Variants in SLC35F1 observed in about 807,000 individuals in gnomAD.
SLC35F1 encodes chromosome 6 open reading frame 169.
SLC35F1 carries 14 observed loss-of-function variants against 48.7 expected under a neutral mutation model. The ratio of observed to expected loss-of-function variants is 0.29; its 90% CI spans 0.19 to 0.45. SLC35F1 has a LOEUF of 0.45. Ranked by LOEUF, SLC35F1 falls within the 20% of genes least tolerant of loss-of-function variation. SLC35F1 has a pLI of 1.00. For missense variants in SLC35F1, 404 were observed against 500.0 expected (o/e 0.81, Z 1.83); for synonymous variants, 190 against 202.2 (o/e 0.94, Z 0.51).
At chr6:117,914,560 G>A (rs1296405038) in intron 1 of SLC35F1, among the ~76,000 whole-genome samples, 1 of 152,160 alleles carries the variant, frequency 6.6e-6, no homozygotes, top group African/African-American at 2.4e-5. Flanking sequence ...TTTATTGAGT[G>A]ACTATTATAT....
At chr6:118,312,417 C>G (rs551945760) in intron 7 of SLC35F1, among the ~76,000 whole-genome samples, 30 of 152,162 alleles carry the variant, frequency 2.0e-4, no homozygotes, top group African/African-American at 5.3e-4. Flanking sequence ...CTTTTTATAC[C>G]ATTTTATTTT....
At chr6:118,045,441 T>C (rs149491107) in intron 1 of SLC35F1, among the ~76,000 whole-genome samples, 3 of 152,306 alleles carry the variant, frequency 2.0e-5, no homozygotes, top group African/African-American at 7.2e-5. Flanking sequence ...AAGCTCTTGA[T>C]AGATGATCTC....
In SLC35F1 at chr6:118,281,208, A is replaced by C. The variant is rs991117875; in HGVS notation, c.847+3662A>C. On this transcript the variant is annotated intron_variant, in intron 6 of 7. Transcript: ENST00000360388. ...TCTCTCTCTCTCTCTCTCTCTCTAT[A>C]TATATATATATATAAAATATTAACT... 1.9e-3 allele frequency among the ~76,000 whole-genome samples: 263 copies of C among 138,380 alleles called. 1 individual carries two copies. The highest frequency in any genetic ancestry group is 7.2e-3 in the Middle Eastern group (2 of 276). 90.8% of individuals were successfully genotyped at this position (138,380 alleles called of 152,430 possible).
intron 3 of SLC35F1, among the ~76,000 whole-genome samples, chr6:118,242,342 G>C (rs775039494): frequency 6.8e-4 from 103 of 150,456 alleles, no homozygotes; most frequent in Admixed American, 1.3e-3. Context: ...TATCTTTTGA[G>C]AGAAATATTT....
At chr6:118,118,446 C>T in intron 1 of SLC35F1, among the ~76,000 whole-genome samples, 1 of 152,158 alleles carries the variant, frequency 6.6e-6, no homozygotes. Flanking sequence ...AGCTTCCTCC[C>T]AGGAAACATG....
chr6:118,162,953 TTTTC>T (rs1230794755), intron 2 of SLC35F1, among the ~76,000 whole-genome samples: 2 of 145,258 alleles, frequency 1.4e-5, no homozygotes, highest in Non-Finnish European at 3.0e-5. Context: ...TGTATGAATC[TTTTC>T]TTTCTTTTTT....
intron 4 of SLC35F1, among the ~76,000 whole-genome samples, chr6:118,272,447 A>G (rs1775863988): frequency 6.6e-6 from 1 of 152,162 alleles, no homozygotes. Flanking sequence ...GTTCTAGCAT[A>G]ACTTTCACCA....
intron 1 of SLC35F1, among the ~76,000 whole-genome samples, chr6:118,087,145 C>T (rs181586019): frequency 6.6e-6 from 1 of 152,210 alleles, no homozygotes; most frequent in East Asian, 1.9e-4. Flanking sequence ...GGTAGAAGTT[C>T]TAGATCCAGG....
At chr6:118,024,398 G>A (rs555663216) in intron 1 of SLC35F1, among the ~76,000 whole-genome samples, 2 of 152,316 alleles carry the variant, frequency 1.3e-5, no homozygotes, top group East Asian at 3.9e-4. Flanking sequence ...TAGCAATGGA[G>A]AATGACTTAA....
rs375240967 is a variant in SLC35F1, at chr6:118,052,169, T to A, written c.174-102276T>A. 2.6e-4 allele frequency among the ~76,000 whole-genome samples: 40 copies of A among 152,184 alleles called. 1 individual carries two copies. Among genetic ancestry groups the A allele is most frequent in the East Asian group, 1.7e-3 (9 of 5,172 alleles). ...GATATGATGGTCAAAAATAACAACC[T>A]GCAGCCACCCCTTCCCAACCCCTCC... is the stretch of plus-strand genomic sequence containing the variant. On this transcript the variant is annotated intron_variant, in intron 1 of 7. Coordinates refer to ENST00000360388, the MANE Select transcript of SLC35F1 (RefSeq NM_001029858.4).
chr6:118,069,754 G>A (rs1473843698), intron 1 of SLC35F1, among the ~76,000 whole-genome samples: 3 of 152,192 alleles, frequency 2.0e-5, no homozygotes, highest in East Asian at 1.9e-4. Flanking sequence ...TGTTAAGAAC[G>A]TAAAAATGAA....
chr6:118,252,210 A>G (rs1482161756), intron 3 of SLC35F1, among the ~76,000 whole-genome samples: 1 of 152,082 alleles, frequency 6.6e-6, no homozygotes, highest in Non-Finnish European at 1.5e-5. Flanking sequence ...TGGAGTATTG[A>G]CCTTTAAGGA....
chr6:117,971,156 G>A (rs748536452), intron 1 of SLC35F1, among the ~76,000 whole-genome samples: 1 of 152,192 alleles, frequency 6.6e-6, no homozygotes, highest in Non-Finnish European at 1.5e-5. Flanking sequence ...CCCATTCCAA[G>A]TGGGAGAAAT....
chr6:118,022,747 A>ATTT (rs34879607), intron 1 of SLC35F1, among the ~76,000 whole-genome samples: 8 of 120,624 alleles, frequency 6.6e-5, no homozygotes, highest in South Asian at 2.5e-4. Flanking sequence ...AGCTTGGACA[A>ATTT]TTTTTTTTTT....
intron 3 of SLC35F1, among the ~76,000 whole-genome samples, chr6:118,245,638 C>T (rs1215514333): frequency 2.0e-5 from 3 of 152,130 alleles, no homozygotes; most frequent in Admixed American, 6.5e-5. Flanking sequence ...CTTTGTGATT[C>T]CTGCAACATA....
intron 1 of SLC35F1, among the ~76,000 whole-genome samples, chr6:118,019,595 C>T (rs1307967256): frequency 1.3e-5 from 2 of 151,842 alleles, no homozygotes; most frequent in African/African-American, 2.4e-5. Flanking sequence ...GCACTCCAGC[C>T]TGGGTGACAG....
intron 1 of SLC35F1, among the ~76,000 whole-genome samples, chr6:117,923,735 A>G (rs13201200): frequency 8.6e-5 from 9 of 104,986 alleles, no homozygotes; most frequent in African/African-American, 3.1e-4. Flanking sequence ...ACATATGTAT[A>G]TATACATATA....
intron 2 of SLC35F1, 69 bp downstream of exon 2, chr6:118,154,689 A>G (rs558953428): frequency 6.3e-6 from 9 of 1,437,064 alleles, no homozygotes; most frequent in African/African-American, 5.7e-5. Flanking sequence ...CCATGACCAG[A>G]TAACGTTTTG....
At chr6:118,273,604 T>C (rs892894051) in intron 4 of SLC35F1, among the ~76,000 whole-genome samples, 5 of 152,228 alleles carry the variant, frequency 3.3e-5, no homozygotes, top group Non-Finnish European at 4.4e-5. Flanking sequence ...ATTAAAAGTT[T>C]GTCATTGTTT....
Sources: gnomAD v4.1 joint callset for allele counts (sites outside exome capture counted in the v4.1 genomes callset) on GRCh38, gnomAD v4.1.1 for gene constraint, MANE v1.5 for transcripts, NCBI Gene and HGNC (gene_info 2026-07-23, HGNC 2026-07-21) for gene names.